The following PHLPP1 variants were observed in gnomAD, a reference collection of about 807,000 sequenced individuals.
The protein encoded by PHLPP1 is PH domain and leucine rich repeat protein phosphatase 1.
Under a neutral mutation model 117.2 loss-of-function variants are expected in PHLPP1, and 42 were observed. The ratio of observed to expected loss-of-function variants is 0.36; its 90% CI spans 0.28 to 0.46. The LOEUF (loss-of-function observed/expected upper bound fraction) is 0.46. Ranked by LOEUF, PHLPP1 falls within the 20% of genes least tolerant of loss-of-function variation. The probability of loss-of-function intolerance (pLI) is 1.00; values close to 1 mark genes in which losing one functional copy is unlikely to be tolerated. For synonymous variants in PHLPP1, 1,042 were observed against 970.7 expected (o/e 1.07, Z -1.37); for missense variants, 2,084 against 2,241.9 (o/e 0.93, Z 1.42).
At chr18:62,897,542 T>A (rs1218773306) in intron 6 of PHLPP1, among the ~76,000 whole-genome samples, 1 of 152,336 alleles carries the variant, frequency 6.6e-6, no homozygotes, top group Non-Finnish European at 1.5e-5. Context: ...AGTATCTGTC[T>A]GTCGCCCAGG....
At chr18:62,760,920 C>T (rs577473252) in intron 1 of PHLPP1, among the ~76,000 whole-genome samples, 3 of 152,240 alleles carry the variant, frequency 2.0e-5, no homozygotes, top group Admixed American at 6.5e-5. Context: ...AGTGCAGTGG[C>T]ACAGTCATGG....
intron 1 of PHLPP1, among the ~76,000 whole-genome samples, chr18:62,738,168 A>G (rs1911422977): frequency 6.6e-6 from 1 of 151,844 alleles, no homozygotes; most frequent in African/African-American, 2.4e-5. Flanking sequence ...CCTAGGTAAC[A>G]TAGTGAGACC....
At chr18:62,961,138 T>C (rs1419339878) in intron 13 of PHLPP1, among the ~76,000 whole-genome samples, 1 of 151,992 alleles carries the variant, frequency 6.6e-6, no homozygotes, top group Non-Finnish European at 1.5e-5. Context: ...CTCTACTAAA[T>C]ACAAAAAAAT....
intron 1 of PHLPP1, among the ~76,000 whole-genome samples, chr18:62,778,919 C>G (rs556880911): frequency 6.6e-6 from 1 of 152,346 alleles, no homozygotes; most frequent in East Asian, 1.9e-4. Flanking sequence ...TTTGGTCCCA[C>G]AAGGTTAGCC....
At chr18:62,875,731 T>A (rs959919139) in intron 4 of PHLPP1, among the ~76,000 whole-genome samples, 16 of 144,428 alleles carry the variant, frequency 1.1e-4, no homozygotes, top group Non-Finnish European at 1.8e-4. Context: ...TTTTTTTTTT[T>A]AATTTTGTTT....
chr18:62,724,448 T>A (rs1051697537), intron 1 of PHLPP1, among the ~76,000 whole-genome samples: 1 of 152,208 alleles, frequency 6.6e-6, no homozygotes, highest in Non-Finnish European at 1.5e-5. Flanking sequence ...GAATTTAGGA[T>A]GTTGTAGAGA....
intron 4 of PHLPP1, among the ~76,000 whole-genome samples, chr18:62,892,246 G>A (rs1015725552): frequency 6.6e-6 from 1 of 151,358 alleles, no homozygotes. Flanking sequence ...ACACCACCAC[G>A]CCCAGCTAAT....
chr18:62,965,821 G>T (rs1910884346), intron 14 of PHLPP1, among the ~76,000 whole-genome samples: 2 of 141,320 alleles, frequency 1.4e-5, no homozygotes, highest in Admixed American at 7.2e-5. Flanking sequence ...TGCTAAGAAT[G>T]ATCACCACTA....
intron 1 of PHLPP1, among the ~76,000 whole-genome samples, chr18:62,829,008 A>G (rs926466696): frequency 6.6e-5 from 10 of 152,162 alleles, no homozygotes; most frequent in African/African-American, 2.4e-4. Flanking sequence ...CATTAAGTTG[A>G]TAAGACTTGC....
intron 1 of PHLPP1, among the ~76,000 whole-genome samples, chr18:62,745,425 A>G (rs1911647881): frequency 6.6e-6 from 1 of 152,254 alleles, no homozygotes; most frequent in Non-Finnish European, 1.5e-5. Flanking sequence ...CATTGCATTA[A>G]GAAATCTAGC....
intron 3 of PHLPP1, among the ~76,000 whole-genome samples, chr18:62,845,091 C>A (rs1009939341): frequency 6.6e-6 from 1 of 152,088 alleles, no homozygotes; most frequent in Admixed American, 6.6e-5. Flanking sequence ...TTCCAAGGAC[C>A]TCAAACCTGG....
At chr18:62,768,186 C>T (rs1912618413) in intron 1 of PHLPP1, among the ~76,000 whole-genome samples, 1 of 152,008 alleles carries the variant, frequency 6.6e-6, no homozygotes, top group South Asian at 2.1e-4. Context: ...ATGTAGTAGT[C>T]AAAGAGGCCA....
chr18:62,886,446 AT>A (rs1916292634), intron 4 of PHLPP1, among the ~76,000 whole-genome samples: 1 of 151,810 alleles, frequency 6.6e-6, no homozygotes, highest in African/African-American at 2.4e-5. Context: ...ACTAATTTAA[AT>A]TTTTTTTAGT....
chr18:62,840,370 A>G (rs1915019836), intron 3 of PHLPP1, among the ~76,000 whole-genome samples: 1 of 152,246 alleles, frequency 6.6e-6, no homozygotes, highest in Non-Finnish European at 1.5e-5. Context: ...GCACTCCTGC[A>G]GGGAAAAGTA....
intron 1 of PHLPP1, among the ~76,000 whole-genome samples, chr18:62,772,944 G>T (rs1912837618): frequency 6.8e-6 from 1 of 147,518 alleles, no homozygotes; most frequent in Non-Finnish European, 1.5e-5. Context: ...GCTCAAAAAA[G>T]AATTCCTCTC....
At chr18:62,896,453 G>T (rs1471099309) in intron 6 of PHLPP1, among the ~76,000 whole-genome samples, 2 of 151,860 alleles carry the variant, frequency 1.3e-5, no homozygotes, top group Non-Finnish European at 1.5e-5. Flanking sequence ...CACCATGCCT[G>T]GCTAATTTTT....
chr18:62,937,862 A>G (rs1354021870), intron 10 of PHLPP1, among the ~76,000 whole-genome samples: 1 of 152,102 alleles, frequency 6.6e-6, no homozygotes, highest in African/African-American at 2.4e-5. Context: ...AAATACAAAA[A>G]TTACCTGGGC....
intron 1 of PHLPP1, among the ~76,000 whole-genome samples, chr18:62,757,596 TGGCA>T (rs1399582248): frequency 1.3e-5 from 2 of 152,256 alleles, no homozygotes; most frequent in East Asian, 3.8e-4. Flanking sequence ...CTTCTGAAAC[TGGCA>T]GTGTGCTGGT....
chr18:62,750,671 A>G (rs1019881113), intron 1 of PHLPP1, among the ~76,000 whole-genome samples: 1 of 149,876 alleles, frequency 6.7e-6, no homozygotes, highest in African/African-American at 2.4e-5. Flanking sequence ...GTGGAAGGAA[A>G]CACTGTATTC....
Sources: gnomAD v4.1 joint callset for allele counts (sites outside exome capture counted in the v4.1 genomes callset) on GRCh38, gnomAD v4.1.1 for gene constraint, MANE v1.5 for transcripts, NCBI Gene and HGNC (gene_info 2026-07-23, HGNC 2026-07-21) for gene names.